The following KLHL4 variants were observed in gnomAD, a reference collection of about 807,000 sequenced individuals.
KLHL4 encodes kelch like family member 4, also known as kelch-like protein 4.
KLHL4 carries 17 observed loss-of-function variants against 45.8 expected under a neutral mutation model. The observed-to-expected ratio is 0.37, with a 90% CI of 0.25 to 0.56. KLHL4 has a LOEUF of 0.56. Ranked by LOEUF, KLHL4 falls within the 20% of genes least tolerant of loss-of-function variation. The pLI is 0.79. For synonymous variants in KLHL4, 224 were observed against 189.9 expected (o/e 1.18, Z -1.47); for missense variants, 544 against 544.9 (o/e 1.00, Z 0.02).
intron 9 of KLHL4, 86 bp downstream of exon 9, chrX:87,635,861 A>G: frequency 1.4e-6 from 1 of 700,776 alleles, no homozygotes; most frequent in Non-Finnish European, 2.0e-6. Context: ...TTTTAAATGG[A>G]AATCAGTTTA....
chrX:87,523,110 CAT>C (rs1001339967), intron 1 of KLHL4, among the ~76,000 whole-genome samples: 40 of 111,514 alleles, frequency 3.6e-4, no homozygotes, highest in Admixed American at 1.6e-3. Flanking sequence ...TATTATATAA[CAT>C]GTGATGTCAA....
At chrX:87,613,848 C>G in intron 1 of KLHL4, 29 bp from the exon 2 acceptor site, 1 of 1,078,634 alleles carries the variant, frequency 9.3e-7, no homozygotes, top group Non-Finnish European at 1.2e-6. Flanking sequence ...ATATGATGAA[C>G]CATATTCTCA....
intron 1 of KLHL4, among the ~76,000 whole-genome samples, chrX:87,567,100 C>A (rs1428916637): frequency 9.0e-6 from 1 of 110,881 alleles, no homozygotes. Context: ...AATTTAGCAC[C>A]CTTTCATGAT....
At position 87,668,783 on chromosome X, in the gene KLHL4, C is replaced by T. The variant is rs1924466945; in HGVS notation, c.*2249C>T. The T allele has an allele frequency of 5.5e-6, 1 of 180,379 alleles. No individual in the cohort carries two copies. The highest frequency in any genetic ancestry group is 8.7e-6 in the Non-Finnish European group (1 of 114,639). The allele number at this position is 180,379 out of a possible 1,213,427, so 14.9% of individuals were successfully genotyped here. On this transcript the variant is annotated 3_prime_UTR_variant, in exon 11 of 11. Coordinates refer to ENST00000373119, the MANE Select transcript of KLHL4 (RefSeq NM_019117.5). ...TGTGATGCTATGTGTTACCTTGGGA[C>T]TTACCTGACAGCTCTTACCAACAAG...
At chrX:87,540,198 G>A (rs1201952676) in intron 1 of KLHL4, among the ~76,000 whole-genome samples, 1 of 111,193 alleles carries the variant, frequency 9.0e-6, no homozygotes, top group Non-Finnish European at 1.9e-5. Context: ...GACTGTGAAG[G>A]CCTACAACAT....
intron 6 of KLHL4, among the ~76,000 whole-genome samples, chrX:87,630,910 G>A (rs1331922618): frequency 9.0e-6 from 1 of 111,661 alleles, no homozygotes; most frequent in Non-Finnish European, 1.9e-5. Context: ...CACACAAAGA[G>A]TGAGATTAAG....
At chrX:87,531,377 T>C (rs1931272618) in intron 1 of KLHL4, among the ~76,000 whole-genome samples, 1 of 111,511 alleles carries the variant, frequency 9.0e-6, no homozygotes, top group South Asian at 3.8e-4. Context: ...CTAGGTTTTC[T>C]TCTAGGGTTT....
chrX:87,596,652 G>A (rs913461074), intron 1 of KLHL4, among the ~76,000 whole-genome samples: 12 of 111,979 alleles, frequency 1.1e-4, no homozygotes, highest in Admixed American at 9.5e-4. Flanking sequence ...ATACAGTATG[G>A]ATACATTACC....
At chrX:87,519,023 C>T (rs1386571327) in intron 1 of KLHL4, among the ~76,000 whole-genome samples, 2 of 111,434 alleles carry the variant, frequency 1.8e-5, no homozygotes, top group Non-Finnish European at 1.9e-5. Flanking sequence ...GTTCATAAAA[C>T]ATTTGATTTT....
chrX:87,543,469 C>T (rs1300138483), intron 1 of KLHL4, among the ~76,000 whole-genome samples: 1 of 111,572 alleles, frequency 9.0e-6, no homozygotes, highest in Non-Finnish European at 1.9e-5. Flanking sequence ...GCATGGAAAA[C>T]AAATAGCTGT....
chrX:87,535,749 T>C (rs757714263), intron 1 of KLHL4, among the ~76,000 whole-genome samples: 2 of 110,262 alleles, frequency 1.8e-5, no homozygotes, highest in Non-Finnish European at 3.8e-5. Context: ...ATGCTGGGAG[T>C]GGGGCCTGGT....
In KLHL4 at chrX:87,666,521, T is replaced by A. The variant is rs775076488; in HGVS notation, c.2144T>A (p.Val715Glu). 8.3e-7 allele frequency: 1 copy of A among 1,198,331 alleles called. No homozygotes were observed. Among genetic ancestry groups the A allele is most frequent in the South Asian group, 1.8e-5 (1 of 55,369 alleles). Reference sequence around the variant, plus strand: ...AGAGCTGGTGCATGTGTTGTAGTGGTGAAGCTACCCTAAAGCTATCTATCT... The same window carrying A: ...AGAGCTGGTGCATGTGTTGTAGTGGAGAAGCTACCCTAAAGCTATCTATCT... ...IGRAGACVVV[V>E]KLP is the part of the protein sequence containing the mutation. Residue 715 changes from valine to glutamate, a missense_variant, in exon 11 of 11, where the codon GTG becomes GAG. Coordinates refer to ENST00000373119, the MANE Select transcript of KLHL4 (RefSeq NM_019117.5).
chrX:87,596,984 G>C (rs1921860294), intron 1 of KLHL4, among the ~76,000 whole-genome samples: 1 of 112,434 alleles, frequency 8.9e-6, no homozygotes, highest in Non-Finnish European at 1.9e-5. Flanking sequence ...GATTGGTTTT[G>C]TTTAGTAATT....
At chrX:87,541,081 C>A (rs1931540458) in intron 1 of KLHL4, among the ~76,000 whole-genome samples, 1 of 110,540 alleles carries the variant, frequency 9.0e-6, no homozygotes, top group African/African-American at 3.3e-5. Flanking sequence ...GAATTGTAAT[C>A]CCCATGTGTT....
chrX:87,518,620 C>T (rs1264125282), intron 1 of KLHL4, among the ~76,000 whole-genome samples: 1 of 111,522 alleles, frequency 9.0e-6, no homozygotes, highest in Non-Finnish European at 1.9e-5. Flanking sequence ...AAATACACTC[C>T]GTGGCTCAGA....
At position 87,654,159 on chromosome X, in the gene KLHL4, A is replaced by T. The variant is rs186776827; in HGVS notation, c.1926-10605A>T. ...AATAAAATAAAATAAAATAAAATTT[A>T]AAAAAATTAGGCAGTATAAGTACAG... is the stretch of plus-strand genomic sequence containing the variant. On this transcript the variant is annotated intron_variant, in intron 9 of 10. Coordinates refer to ENST00000373119, the MANE Select transcript of KLHL4 (RefSeq NM_019117.5). Among the ~76,000 whole-genome samples the T allele has an allele frequency of 4.4e-3, 492 of 112,144 alleles. 2 individuals are homozygous for T. The highest frequency in any genetic ancestry group is 7.6e-3 in the Admixed American group (80 of 10,534).
Position 87,614,005 on chromosome X carries a change from T to C in KLHL4, c.551T>C (p.Val184Ala), listed in dbSNP as rs772155430. 8.3e-7 allele frequency: 1 copy of C among 1,207,560 alleles called. No homozygotes were observed. The highest frequency in any genetic ancestry group is 3.0e-5 in the East Asian group (1 of 33,746). The change falls in exon 2 of 11, where the codon GTG becomes GCG. Residue 184 changes from valine (V) to alanine (A), a missense_variant. Transcript: ENST00000373119. ...NYLKEKQLCD[V>A]LLIAGHLRIP... ...TTGAAAGAGAAACAACTATGTGATG[T>C]GCTACTGATTGCAGGACACCTCCGC...
intron 7 of KLHL4, among the ~76,000 whole-genome samples, chrX:87,633,400 A>G (rs1018613454): frequency 2.7e-5 from 3 of 111,873 alleles, no homozygotes; most frequent in African/African-American, 9.8e-5. Flanking sequence ...TCAACATCAC[A>G]TTGTATCTAC....
At chrX:87,619,459 A>G (rs1922675488) in intron 4 of KLHL4, among the ~76,000 whole-genome samples, 1 of 111,842 alleles carries the variant, frequency 8.9e-6, no homozygotes, top group African/African-American at 3.2e-5. Flanking sequence ...ATGGATTGAC[A>G]TTTTAAAATA....
Sources: gnomAD v4.1 joint callset for allele counts (sites outside exome capture counted in the v4.1 genomes callset) on GRCh38, gnomAD v4.1.1 for gene constraint, MANE v1.5 for transcripts, NCBI Gene and HGNC (gene_info 2026-07-23, HGNC 2026-07-21) for gene names.